ETV6: variants seen among roughly 807,000 people sequenced by gnomAD.
ETV6 encodes ETS variant transcription factor 6.
A neutral mutation model predicts 51.1 loss-of-function variants in ETV6; 16 were observed. The ratio of observed to expected loss-of-function variants is 0.31; its 90% CI spans 0.21 to 0.48. The LOEUF (loss-of-function observed/expected upper bound fraction) is 0.48. Ranked by LOEUF, ETV6 falls within the 20% of genes least tolerant of loss-of-function variation. ETV6 has a pLI of 0.99. For missense variants in ETV6, 458 were observed against 594.8 expected (o/e 0.77, Z 2.39); for synonymous variants, 240 against 224.1 (o/e 1.07, Z -0.64).
chr12:11,828,294 T>G (rs1274368396), intron 2 of ETV6, among the ~76,000 whole-genome samples: 3 of 152,188 alleles, frequency 2.0e-5, no homozygotes, highest in African/African-American at 7.2e-5. Context: ...AGAAAAACTT[T>G]CAATATGTTA....
At chr12:11,701,649 C>T (rs1458215501) in intron 1 of ETV6, among the ~76,000 whole-genome samples, 1 of 152,102 alleles carries the variant, frequency 6.6e-6, no homozygotes, top group Non-Finnish European at 1.5e-5. Context: ...TATTAATGTT[C>T]GCTTAGCAAC....
chr12:11,808,448 A>C (rs1449359054), intron 2 of ETV6, among the ~76,000 whole-genome samples: 3 of 151,030 alleles, frequency 2.0e-5, no homozygotes, highest in South Asian at 2.1e-4. Flanking sequence ...AAAAAACAAA[A>C]AAAAAAAACC....
chr12:11,712,459 C>T (rs1444137572), intron 1 of ETV6, among the ~76,000 whole-genome samples: 3 of 152,126 alleles, frequency 2.0e-5, no homozygotes, highest in Admixed American at 6.6e-5. Flanking sequence ...ATCATCTCGT[C>T]GTAGATGGGG....
At chr12:11,708,934 C>T (rs1176837496) in intron 1 of ETV6, among the ~76,000 whole-genome samples, 1 of 152,126 alleles carries the variant, frequency 6.6e-6, no homozygotes, top group Non-Finnish European at 1.5e-5. Context: ...AAGGTCTAAG[C>T]ACATGAAAAG....
intron 1 of ETV6, among the ~76,000 whole-genome samples, chr12:11,712,138 C>T (rs547832408): frequency 6.6e-6 from 1 of 152,168 alleles, no homozygotes; most frequent in Non-Finnish European, 1.5e-5. Flanking sequence ...CTTCACCCCC[C>T]CATCTTACTT....
intron 2 of ETV6, among the ~76,000 whole-genome samples, chr12:11,788,084 C>T (rs2136380002): frequency 6.6e-6 from 1 of 152,260 alleles, no homozygotes; most frequent in Admixed American, 6.5e-5. Flanking sequence ...AAGCAAGAAT[C>T]TCTTTAACAA....
At chr12:11,796,119 C>A (rs985768430) in intron 2 of ETV6, among the ~76,000 whole-genome samples, 1 of 152,090 alleles carries the variant, frequency 6.6e-6, no homozygotes, top group Non-Finnish European at 1.5e-5. Flanking sequence ...ATTCACTTGA[C>A]GTAGATAAAA....
intron 2 of ETV6, among the ~76,000 whole-genome samples, chr12:11,762,491 G>A (rs1046298035): frequency 1.3e-5 from 2 of 152,186 alleles, no homozygotes; most frequent in East Asian, 1.9e-4. Flanking sequence ...CTGCGTGGAT[G>A]GGCCACACTA....
Position 11,718,833 on chromosome 12 carries a change from T to G in ETV6, c.34-33617T>G, listed in dbSNP as rs895132143. ...CAGCCCAGTGCTCAATACTGTATTT[T>G]AGAATAAGCAGGAATCAGTTTAGGG... On this transcript the variant is annotated intron_variant, in intron 1 of 7. Coordinates refer to ENST00000396373, the MANE Select transcript of ETV6 (RefSeq NM_001987.5). Among the ~76,000 whole-genome samples, 5 of 152,106 alleles carry G rather than the reference T, an allele frequency of 3.3e-5. No homozygotes were observed. The South Asian group carries it at 6.2e-4, about 19-fold the overall frequency.
At position 11,761,105 on chromosome 12, in the gene ETV6, C is replaced by T. The variant is rs536963973; in HGVS notation, c.163+8526C>T. Among the ~76,000 whole-genome samples the T allele has an allele frequency of 2.0e-5, 3 of 152,228 alleles. No individual in the cohort carries two copies. The East Asian group carries it at 5.8e-4, about 29-fold the overall frequency. ...TGAATCCGTATCTAATTCCAAAACC[C>T]AGACTTTTATTTTCCACTTCACCCT... On this transcript the variant is annotated intron_variant, in intron 2 of 7. Coordinates refer to ENST00000396373, the MANE Select transcript of ETV6 (RefSeq NM_001987.5).
intron 1 of ETV6, among the ~76,000 whole-genome samples, chr12:11,704,706 T>C (rs1272444694): frequency 6.6e-6 from 1 of 152,154 alleles, no homozygotes; most frequent in East Asian, 1.9e-4. Context: ...TACAACATGA[T>C]ATTATGGGAT....
At position 11,858,473 on chromosome 12, in the gene ETV6, C is replaced by T. The variant is rs145638101; in HGVS notation, c.463+4912C>T. On this transcript the variant is annotated intron_variant, in intron 4 of 7. Coordinates refer to ENST00000396373, the MANE Select transcript of ETV6 (RefSeq NM_001987.5). The stretch of plus-strand genomic sequence containing the variant: ...GAATATTGGCCCCCCAAAAACTCAA[C>T]GGAAACATAAAATAAGCCTCCCTTC... Among the ~76,000 whole-genome samples the T allele has an allele frequency of 2.7e-3, 412 of 151,962 alleles. 3 individuals carry two copies. The highest frequency in any genetic ancestry group is 8.9e-3 in the African/African-American group (368 of 41,454).
chr12:11,717,679 T>C (rs1245141871), intron 1 of ETV6, among the ~76,000 whole-genome samples: 1 of 152,188 alleles, frequency 6.6e-6, no homozygotes, highest in Admixed American at 6.5e-5. Context: ...TCTGACTCAT[T>C]TTGAAAACGC....
chr12:11,720,940 A>G (rs1437732473), intron 1 of ETV6, among the ~76,000 whole-genome samples: 1 of 152,246 alleles, frequency 6.6e-6, no homozygotes, highest in African/African-American at 2.4e-5. Flanking sequence ...AAAAGAAGAC[A>G]TACAAGCAGC....
At chr12:11,853,035 A>T (rs1286898091) in intron 3 of ETV6, among the ~76,000 whole-genome samples, 1 of 152,064 alleles carries the variant, frequency 6.6e-6, no homozygotes, top group Non-Finnish European at 1.5e-5. Flanking sequence ...GAAAATACAA[A>T]AATCAGCTGG....
Position 11,729,196 on chromosome 12 carries a change from AGGAAG to A in ETV6, c.34-23252_34-23248del, listed in dbSNP as rs377076866. On this transcript the variant is annotated intron_variant, in intron 1 of 7. Transcript: ENST00000396373. The stretch of plus-strand genomic sequence containing the variant: ...TGCTCAGGCAGGTAAGATCTGCTGA[AGGAAG>A]GAACCGTTGCCAACTGGCCAGGTGT... 2.6e-3 allele frequency among the ~76,000 whole-genome samples: 400 copies of A among 152,362 alleles called. 1 individual carries two copies. The highest frequency in any genetic ancestry group is 5.2e-3 in the Non-Finnish European group (353 of 68,038).
chr12:11,853,413 C>T lies in ETV6; in HGVS notation c.329-14C>T. On this transcript the variant is annotated splice_polypyrimidine_tract_variant and intron_variant, in intron 3 of 7. Transcript: ENST00000396373. ...CTTTCCATTTCTCGATTTCCCTTTC[C>T]TTTTTCTTTCCAGGTGATGTGCTCT... The T allele has an allele frequency of 1.2e-6, 2 of 1,613,896 alleles. No individual in the cohort carries two copies. The highest frequency in any genetic ancestry group is 2.2e-5 in the South Asian group (2 of 91,068).
chr12:11,857,864 T>G (rs575117597), intron 4 of ETV6, among the ~76,000 whole-genome samples: 9 of 152,238 alleles, frequency 5.9e-5, no homozygotes, highest in Non-Finnish European at 1.0e-4. Flanking sequence ...TGCAGTCTCT[T>G]ACAGCTCTCA....
Position 11,841,444 on chromosome 12 carries a change from G to A in ETV6, c.328+2140G>A, listed in dbSNP as rs1344478758. On this transcript the variant is annotated intron_variant, in intron 3 of 7. Coordinates refer to ENST00000396373, the MANE Select transcript of ETV6 (RefSeq NM_001987.5). ...AAGAATGGGTGGGATTGAGTAGGCA[G>A]AGGGTAATTGGAACAGCATCACCAA... 2.0e-5 allele frequency among the ~76,000 whole-genome samples: 3 copies of A among 152,240 alleles called. No homozygotes were observed. In the East Asian group the frequency reaches 5.8e-4, roughly 29 times the overall value.
Sources: gnomAD v4.1 joint callset for allele counts (sites outside exome capture counted in the v4.1 genomes callset) on GRCh38, gnomAD v4.1.1 for gene constraint, MANE v1.5 for transcripts, NCBI Gene and HGNC (gene_info 2026-07-23, HGNC 2026-07-21) for gene names.